The following SPAG16 variants were observed in gnomAD, a reference collection of about 807,000 sequenced individuals.
SPAG16 encodes sperm-associated antigen 16 protein.
Under a neutral mutation model 80.4 loss-of-function variants are expected in SPAG16, and 86 were observed. The ratio of observed to expected loss-of-function variants is 1.07; its 90% CI spans 0.90 to 1.28. The LOEUF is 1.28. Ranked by LOEUF, SPAG16 falls within the 50% of genes most tolerant of loss-of-function variation. The pLI is 0.00. For synonymous variants in SPAG16, 294 were observed against 265.9 expected, an observed-to-expected ratio of 1.11 and a Z score of -1.03; for missense variants, 870 against 765.3, an observed-to-expected ratio of 1.14 and a Z score of -1.61.
At chr2:213,556,379 C>T (rs1029096368) in intron 10 of SPAG16, among the ~76,000 whole-genome samples, 1 of 148,394 alleles carries the variant, frequency 6.7e-6, no homozygotes, top group African/African-American at 2.5e-5. Flanking sequence ...TTCTAAAAAC[C>T]ATGTATAAAA....
At chr2:213,755,886 ATAT>A (rs1204414467) in intron 10 of SPAG16, among the ~76,000 whole-genome samples, 7 of 152,240 alleles carry the variant, frequency 4.6e-5, no homozygotes, top group Non-Finnish European at 1.0e-4. Context: ...ATATGATAAA[ATAT>A]TATAAAATAG....
intron 14 of SPAG16, among the ~76,000 whole-genome samples, chr2:214,128,908 C>T (rs572331972): frequency 6.6e-5 from 10 of 151,792 alleles, no homozygotes; most frequent in Non-Finnish European, 8.8e-5. Context: ...ATTACTTCCC[C>T]GCTACTAAAG....
At chr2:214,171,085 C>G (rs2056853936) in intron 15 of SPAG16, among the ~76,000 whole-genome samples, 1 of 151,938 alleles carries the variant, frequency 6.6e-6, no homozygotes. Flanking sequence ...GAGCGCCTCA[C>G]AAGATTACAA....
chr2:213,405,960 A>T (rs1268455020), intron 9 of SPAG16, among the ~76,000 whole-genome samples: 1 of 152,220 alleles, frequency 6.6e-6, no homozygotes, highest in Non-Finnish European at 1.5e-5. Context: ...CAAAGGCTAC[A>T]GGAGTTGAAG....
chr2:214,047,345 A>T (rs956458201), intron 13 of SPAG16, among the ~76,000 whole-genome samples: 2 of 152,202 alleles, frequency 1.3e-5, no homozygotes, highest in African/African-American at 4.8e-5. Flanking sequence ...AAAAGCAGGT[A>T]CATAGACCAA....
At position 214,347,015 on chromosome 2, in the gene SPAG16, G is replaced by GA. The variant is rs1698095153; in HGVS notation, c.1721-63122dup. 2.0e-5 allele frequency among the ~76,000 whole-genome samples: 3 copies of GA among 152,294 alleles called. No homozygotes were observed. The South Asian group carries it at 6.2e-4, about 32-fold the overall frequency. Reference sequence around the variant, plus strand: ...ACAATGTTAACAGAATTTGGTACCTGAAAGTAAGATAAGTGTTATAATAAA... The same window carrying GA: ...ACAATGTTAACAGAATTTGGTACCTGAAAAGTAAGATAAGTGTTATAATAAA... On this transcript the variant is annotated intron_variant, in intron 15 of 15. Coordinates refer to ENST00000331683, the MANE Select transcript of SPAG16 (RefSeq NM_024532.5).
chr2:214,134,117 G>A (rs970602293), intron 14 of SPAG16, among the ~76,000 whole-genome samples: 1 of 152,134 alleles, frequency 6.6e-6, no homozygotes, highest in Non-Finnish European at 1.5e-5. Flanking sequence ...ACTTAATGAC[G>A]ACTCATAGTT....
intron 14 of SPAG16, among the ~76,000 whole-genome samples, chr2:214,136,767 G>A (rs1249564432): frequency 6.6e-6 from 1 of 152,146 alleles, no homozygotes; most frequent in Non-Finnish European, 1.5e-5. Context: ...AGGAAATGGT[G>A]TAATGAGCTA....
At chr2:213,981,990 A>G (rs2045771403) in intron 12 of SPAG16, among the ~76,000 whole-genome samples, 1 of 151,716 alleles carries the variant, frequency 6.6e-6, no homozygotes, top group African/African-American at 2.4e-5. Flanking sequence ...AGGAAAGTGT[A>G]GAGCTTACAA....
At chr2:213,368,069 G>C (rs373384999) in intron 8 of SPAG16, among the ~76,000 whole-genome samples, 1,638 of 124,144 alleles carry the variant, frequency 0.013, no homozygotes, top group Middle Eastern at 0.019. Flanking sequence ...GCTTGTTTTT[G>C]TCAGGTTTGT....
rs919959173 is a variant in SPAG16 at position 213,655,147 on chromosome 2, A to T, written c.1070+165057A>T. On this transcript the variant is annotated intron_variant, in intron 10 of 15. Coordinates refer to ENST00000331683, the MANE Select transcript of SPAG16 (RefSeq NM_024532.5). ...GAACTTTGATGATAATGATGTGTTC[A>T]TGTAGGTTCATCAATTGTAACAAAT... Among the ~76,000 whole-genome samples the T allele has an allele frequency of 3.9e-5, 6 of 152,336 alleles. No homozygotes were observed. In the South Asian group the frequency reaches 1.2e-3, roughly 32 times the overall value.
At position 214,012,629 on chromosome 2, in the gene SPAG16, T is replaced by C. The variant is rs147821958; in HGVS notation, c.1401-1322T>C. Among the ~76,000 whole-genome samples the C allele has an allele frequency of 8.3e-4, 127 of 152,142 alleles. 1 individual carries two copies. Among genetic ancestry groups the C allele is most frequent in the African/African-American group, 2.9e-3 (121 of 41,532 alleles). The stretch of plus-strand genomic sequence containing the variant: ...GATTATTATATTAGGAATGCATTTA[T>C]ATTGACTCCTCTGTTCTGAGTACTT... On this transcript the variant is annotated intron_variant, in intron 12 of 15. Transcript: ENST00000331683.
At chr2:213,980,513 A>AATATATATAGAATATATGTGTATATATG (rs2045668188) in intron 12 of SPAG16, among the ~76,000 whole-genome samples, 1 of 137,840 alleles carries the variant, frequency 7.3e-6, no homozygotes, top group East Asian at 2.0e-4. Flanking sequence ...GTGTATATAT[A>AATATATATAGAATATATGTGTATATATG]ATATATATAG....
At chr2:213,799,156 T>A (rs2071225136) in intron 10 of SPAG16, among the ~76,000 whole-genome samples, 2 of 152,154 alleles carry the variant, frequency 1.3e-5, no homozygotes. Context: ...ATAGACCAAT[T>A]TGTAGAGTAT....
intron 15 of SPAG16, among the ~76,000 whole-genome samples, chr2:214,200,527 G>A (rs781610889): frequency 2.2e-4 from 33 of 151,998 alleles, no homozygotes; most frequent in Non-Finnish European, 4.0e-4. Context: ...TGTTCATCAG[G>A]GATATTGGTC....
At chr2:214,141,471 A>C (rs1400167761) in intron 14 of SPAG16, among the ~76,000 whole-genome samples, 3 of 151,962 alleles carry the variant, frequency 2.0e-5, no homozygotes, top group Admixed American at 6.6e-5. Context: ...GGCCTCAAAA[A>C]AAAAAAAACC....
intron 15 of SPAG16, among the ~76,000 whole-genome samples, chr2:214,389,662 A>C (rs1314081768): frequency 1.3e-5 from 2 of 152,242 alleles, no homozygotes; most frequent in Admixed American, 1.3e-4. Flanking sequence ...TAGAGATGCC[A>C]CTATTGACAA....
intron 10 of SPAG16, among the ~76,000 whole-genome samples, chr2:213,712,096 C>G (rs2066019882): frequency 6.6e-6 from 1 of 151,960 alleles, no homozygotes; most frequent in Non-Finnish European, 1.5e-5. Flanking sequence ...AAAATGGTGT[C>G]TTCTAGATGT....
chr2:213,664,144 G>C (rs116185814), intron 10 of SPAG16, among the ~76,000 whole-genome samples: 3,051 of 151,992 alleles, frequency 0.02, 86 homozygotes, highest in African/African-American at 0.059. Flanking sequence ...TTCTCCCTCT[G>C]TTTCCACTGT....
Sources: allele counts gnomAD v4.1 joint callset (sites outside exome capture counted in the v4.1 genomes callset), GRCh38; gene constraint gnomAD v4.1.1; transcripts MANE v1.5; gene names NCBI Gene and HGNC (gene_info 2026-07-23, HGNC 2026-07-21).